Variants in CACNA1H observed in about 807,000 individuals in gnomAD.
CACNA1H encodes calcium voltage-gated channel subunit alpha1 H.
A neutral mutation model predicts 192.5 loss-of-function variants in CACNA1H; 149 were observed. The ratio of observed to expected loss-of-function variants is 0.77; its 90% CI spans 0.68 to 0.89. CACNA1H has a LOEUF of 0.89. Ranked by LOEUF, CACNA1H falls within the 40% of genes least tolerant of loss-of-function variation. The probability of loss-of-function intolerance (pLI) is 0.00; values close to 1 mark genes in which losing one functional copy is unlikely to be tolerated. For missense variants in CACNA1H, 4,257 were observed against 3,423.5 expected (o/e 1.24, Z -6.08); for synonymous variants, 2,202 against 1,475.2 (o/e 1.49, Z -11.29).
At chr16:1,214,392 G>A (rs538874604) in intron 27 of CACNA1H, among the ~76,000 whole-genome samples, 1 of 152,340 alleles carries the variant, frequency 6.6e-6, no homozygotes, top group Admixed American at 6.5e-5. Flanking sequence ...TCAGCTCTAT[G>A]GAAAGCGTTT....
chr16:1,190,461 CTGTGCGGGA>C (rs1966503137), intron 2 of CACNA1H, among the ~76,000 whole-genome samples: 1 of 152,220 alleles, frequency 6.6e-6, no homozygotes, highest in South Asian at 2.1e-4. Context: ...CCCTGCTGGC[CTGTGCGGGA>C]TGTGGGACCT....
chr16:1,170,039 A>T (rs1416795845), intron 2 of CACNA1H, among the ~76,000 whole-genome samples: 2 of 152,206 alleles, frequency 1.3e-5, no homozygotes, highest in Non-Finnish European at 2.9e-5. Flanking sequence ...GGGAAGAGAC[A>T]GTGTGGGCTG....
intron 2 of CACNA1H, among the ~76,000 whole-genome samples, chr16:1,172,693 G>A (rs964585067): frequency 2.0e-5 from 3 of 152,294 alleles, no homozygotes; most frequent in African/African-American, 4.8e-5. Flanking sequence ...AGAGCCACCC[G>A]CATGGGTGTG....
rs771516522 is a variant in CACNA1H, at chr16:1,167,456, G to C, written c.299+13420G>C. 1.3e-5 allele frequency among the ~76,000 whole-genome samples: 2 copies of C among 151,894 alleles called. No individual in the cohort carries two copies. Among genetic ancestry groups the C allele is most frequent in the Non-Finnish European group, 2.9e-5 (2 of 67,956 alleles). On this transcript the variant is annotated intron_variant, in intron 2 of 34. Coordinates refer to ENST00000348261, the MANE Select transcript of CACNA1H (RefSeq NM_021098.3). This position sits in a 1 kb window ranked among gnomAD's most constrained non-coding sequence, Gnocchi z 4.2. ...TGGAGAATTTCAACACCCACACTTGGAATAAAAAAAAAAATTATTAATGAG... is the reference window on the plus strand; with the variant it reads ...TGGAGAATTTCAACACCCACACTTGCAATAAAAAAAAAAATTATTAATGAG...
intron 17 of CACNA1H, among the ~76,000 whole-genome samples, 156 bp from the exon 18 acceptor site, chr16:1,209,879 C>T (rs928321856): frequency 6.6e-6 from 1 of 152,190 alleles, no homozygotes; most frequent in African/African-American, 2.4e-5. Flanking sequence ...GCCCCAGAGG[C>T]CAGAAAGCCA....
Position 1,204,265 on chromosome 16 carries a change from G to A in CACNA1H, c.2258G>A (p.Gly753Asp), listed in dbSNP as rs767816214. The A allele has an allele frequency of 2.5e-6, 4 of 1,608,602 alleles. No homozygotes were observed. The Admixed American group carries it at 6.7e-5, about 27-fold the overall frequency. ...CCACCCCGTGCGACGGACACACCAGGCCCAGGCCCAGGCAGCCCCCAGCGG... is the reference window on the plus strand; with the variant it reads ...CCACCCCGTGCGACGGACACACCAGACCCAGGCCCAGGCAGCCCCCAGCGG... ...TRPPRATDTP[G>D]PGPGSPQRRA... Residue 753 changes from glycine to aspartate, a missense_variant, in exon 10 of 35, where the codon GGC (glycine) becomes GAC (aspartate). Coordinates refer to ENST00000348261, the MANE Select transcript of CACNA1H (RefSeq NM_021098.3).
Position 1,210,856 on chromosome 16 carries a change from C to T in CACNA1H, c.4108C>T (p.Leu1370=). ...GAGCAGCTGGAACCTGCTGGATGGGCTGCTGGTGCTGGTGTCCCTGGTGGA... is the reference window on the plus strand; with the variant it reads ...GAGCAGCTGGAACCTGCTGGATGGGTTGCTGGTGCTGGTGTCCCTGGTGGA... ...LQSSWNLLDG[L]LVLVSLVDIV... is the part of the protein sequence containing the mutation. The change falls in exon 21 of 35, where the codon CTG becomes TTG. Residue 1370 remains leucine, a synonymous_variant. Transcript: ENST00000348261. The T allele has an allele frequency of 6.2e-7, 1 of 1,605,526 alleles. No homozygotes were observed. The highest frequency in any genetic ancestry group is 8.5e-7 in the Non-Finnish European group (1 of 1,179,740).
At chr16:1,176,822 G>A (rs769666489) in intron 2 of CACNA1H, among the ~76,000 whole-genome samples, 1 of 152,164 alleles carries the variant, frequency 6.6e-6, no homozygotes, top group Non-Finnish European at 1.5e-5. Context: ...GCCTCCCCTC[G>A]GCCCTTCCCC....
rs60526088 is a variant in CACNA1H, at chr16:1,218,542, G to A, written c.5778G>A (p.Ser1926=). 41,913 of 1,558,338 alleles carry A rather than the reference G, an allele frequency of 0.027. 1,032 individuals are homozygous for A. The highest frequency in any genetic ancestry group is 0.11 in the African/African-American group (8,051 of 73,574). The change falls in exon 33 of 35, where the codon TCG becomes TCA. Residue 1926 remains serine, a synonymous_variant. Coordinates refer to ENST00000348261, the MANE Select transcript of CACNA1H (RefSeq NM_021098.3). Reference sequence around the variant, plus strand: ...AGGTGTCCGTGTCCAGGATGCTCTCGCTGCCCAACGACAGCTACATGTTCA... The same window carrying A: ...AGGTGTCCGTGTCCAGGATGCTCTCACTGCCCAACGACAGCTACATGTTCA... ...ARKVSVSRML[S]LPNDSYMFRP... is the part of the protein sequence containing the mutation.
chr16:1,202,640 G>A (rs968837951), intron 9 of CACNA1H, among the ~76,000 whole-genome samples, 188 bp downstream of exon 9: 3 of 152,142 alleles, frequency 2.0e-5, no homozygotes, highest in Non-Finnish European at 4.4e-5. Flanking sequence ...CCCTGACAGC[G>A]CCAAAGCAAG....
rs72552033 is a variant in CACNA1H at position 1,200,271 on chromosome 16, C to T, written c.819C>T (p.Thr273=). ...CCATCCCCAGGAACAACAACCTGAC[C>T]TTCCTGCGGCCGTACTACCAGACGG... ...DSAFVRNNNL[T]FLRPYYQTEE... The change falls in exon 7 of 35, where the codon ACC becomes ACT. Residue 273 remains threonine (T), a synonymous_variant. Transcript: ENST00000348261. 2,746 of 1,600,460 alleles carry T rather than the reference C, an allele frequency of 1.7e-3. 3 individuals carry two copies. The highest frequency in any genetic ancestry group is 2.1e-3 in the Non-Finnish European group (2,425 of 1,173,212).
intron 2 of CACNA1H, among the ~76,000 whole-genome samples, chr16:1,194,294 G>A (rs1433479313): frequency 6.6e-6 from 1 of 152,304 alleles, no homozygotes; most frequent in South Asian, 2.1e-4. Flanking sequence ...AAGGCTGTTC[G>A]CTGACAAGTT....
chr16:1,186,772 T>C (rs777870018), intron 2 of CACNA1H, among the ~76,000 whole-genome samples: 2 of 152,290 alleles, frequency 1.3e-5, no homozygotes, highest in Non-Finnish European at 2.9e-5. Context: ...AGTGGAGATA[T>C]TCTGCCCTTC....
chr16:1,201,201 C>T (rs901600955), intron 8 of CACNA1H, among the ~76,000 whole-genome samples: 23 of 152,266 alleles, frequency 1.5e-4, no homozygotes, highest in South Asian at 1.0e-3. Flanking sequence ...CTAGGTATAC[C>T]TAGAGCCACC....
chr16:1,158,032 G>A (rs946099943), intron 2 of CACNA1H: 2 of 152,240 alleles, frequency 1.3e-5, no homozygotes, highest in East Asian at 3.9e-4. Context: ...GCATTCTGAC[G>A]GGAAGGAGAG....
chr16:1,215,251 G>C lies in CACNA1H; in HGVS notation c.5049G>C (p.Gln1683His). 1 of 1,604,036 alleles carries C rather than the reference G, an allele frequency of 6.2e-7. No individual in the cohort carries two copies. The highest frequency in any genetic ancestry group is 8.5e-7 in the Non-Finnish European group (1 of 1,175,342). The change falls in exon 29 of 35, where the codon CAG becomes CAC. Residue 1683 changes from glutamine to histidine, a missense_variant. Coordinates refer to ENST00000348261, the MANE Select transcript of CACNA1H (RefSeq NM_021098.3). ...FRRFFKDRWNQLDLAIVLLSL... is the reference protein window; with the variant it reads ...FRRFFKDRWNHLDLAIVLLSL... Reference sequence around the variant, plus strand: ...GCCTCCGGCCACACAGGTGGAACCAGCTGGACCTGGCCATCGTGCTGCTGT... The same window carrying C: ...GCCTCCGGCCACACAGGTGGAACCACCTGGACCTGGCCATCGTGCTGCTGT...
In CACNA1H at chr16:1,220,653, G is replaced by T; in HGVS notation, c.6721G>T (p.Gly2241Trp). Residue 2241 changes from glycine (G) to tryptophan (W), a missense_variant, in exon 35 of 35, where the codon GGG becomes TGG. Coordinates refer to ENST00000348261, the MANE Select transcript of CACNA1H (RefSeq NM_021098.3). ...GGAGCCCACAGAGGGCTCAGGCGCCGGGGGGGACCCTGCAGCCAAGGGGGA... is the reference window on the plus strand; with the variant it reads ...GGAGCCCACAGAGGGCTCAGGCGCCTGGGGGGACCCTGCAGCCAAGGGGGA... ...SLEPTEGSGA[G>W]GDPAAKGERW... The T allele has an allele frequency of 3.1e-6, 5 of 1,599,998 alleles. No homozygotes were observed. Among genetic ancestry groups the T allele is most frequent in the East Asian group, 2.3e-5 (1 of 44,280 alleles).
At chr16:1,185,510 C>G (rs913004674) in intron 2 of CACNA1H, among the ~76,000 whole-genome samples, 4 of 143,886 alleles carry the variant, frequency 2.8e-5, no homozygotes, top group Non-Finnish European at 3.1e-5. Context: ...GTCCCCCCCC[C>G]CGCCGAGTCT....
In CACNA1H at chr16:1,198,662, G is replaced by A. The variant is rs766001608; in HGVS notation, c.691G>A (p.Gly231Arg). The A allele has an allele frequency of 6.8e-6, 11 of 1,613,456 alleles. No individual in the cohort carries two copies. Among genetic ancestry groups the A allele is most frequent in the East Asian group, 2.2e-5 (1 of 44,876 alleles). Residue 231 changes from glycine to arginine, a missense_variant, in exon 6 of 35, where the codon GGG becomes AGG. Coordinates refer to ENST00000348261, the MANE Select transcript of CACNA1H (RefSeq NM_021098.3). ...TLLLDTLPML[G>R]NVLLLCFFVF... is the part of the protein sequence containing the mutation. The stretch of plus-strand genomic sequence containing the variant: ...GCTGCTGGATACGCTGCCCATGCTC[G>A]GGAACGTCCTTCTGCTGTGCTTCTT...
Sources: gnomAD v4.1 joint callset for allele counts (sites outside exome capture counted in the v4.1 genomes callset) on GRCh38, gnomAD v4.1.1 for gene constraint, Gnocchi (gnomAD v3.1) non-coding constraint, MANE v1.5 for transcripts, NCBI Gene and HGNC (gene_info 2026-07-23, HGNC 2026-07-21) for gene names.